The following LARP4B variants were observed in gnomAD, a reference collection of about 807,000 sequenced individuals.
LARP4B encodes the protein la-related protein 4B.
A neutral mutation model predicts 89.8 loss-of-function variants in LARP4B; 12 were observed. That is an observed-to-expected ratio of 0.13 (90% CI 0.09 to 0.22). The LOEUF is 0.22. Among genes scored for constraint, LARP4B ranks in the 10% least tolerant of loss-of-function variants. The probability of loss-of-function intolerance (pLI) is 1.00; values close to 1 mark genes in which losing one functional copy is unlikely to be tolerated. For synonymous variants in LARP4B, 367 were observed against 363.3 expected, an observed-to-expected ratio of 1.01 and a Z score of -0.12; for missense variants, 757 against 947.7, an observed-to-expected ratio of 0.80 and a Z score of 2.64.
chr10:932,001 G>A (rs1460378874), upstream of LARP4B, among the ~76,000 whole-genome samples: 1 of 65,474 alleles, frequency 1.5e-5, no homozygotes, highest in Non-Finnish European at 3.1e-5. Context: ...CCCGCCCGCC[G>A]TCCCCGGCGC....
In LARP4B at chr10:892,806, T is replaced by C. The variant is rs959374780; in HGVS notation, c.-39-7046A>G. Among the ~76,000 whole-genome samples the C allele has an allele frequency of 7.2e-5, 11 of 152,150 alleles. 1 individual carries two copies. Among genetic ancestry groups the C allele is most frequent in the Admixed American group, 3.9e-4 (6 of 15,270 alleles). ...CACCCACCTCGGCCTCCCAAAGTGC[T>C]GGGATTACAGGCGTGAGCCACCGCG... On this transcript the variant is annotated intron_variant, in intron 1 of 17. Transcript: ENST00000316157.
chr10:919,555 G>A (rs1338855686), intron 1 of LARP4B, among the ~76,000 whole-genome samples: 1 of 151,532 alleles, frequency 6.6e-6, no homozygotes, highest in East Asian at 1.9e-4. Flanking sequence ...CATTGTTGAG[G>A]GTGGGAGTTG....
At chr10:878,328 G>A (rs1204390913) in intron 3 of LARP4B, among the ~76,000 whole-genome samples, 3 of 152,180 alleles carry the variant, frequency 2.0e-5, no homozygotes, top group Non-Finnish European at 4.4e-5. Flanking sequence ...ACACCAGTGA[G>A]GAGTGACTGC....
At chr10:904,973 C>G (rs1836449232) in intron 1 of LARP4B, among the ~76,000 whole-genome samples, 1 of 152,184 alleles carries the variant, frequency 6.6e-6, no homozygotes, top group Non-Finnish European at 1.5e-5. Context: ...TCATTTCACG[C>G]TAAATTTATT....
Position 817,707 on chromosome 10 carries a change from A to G in LARP4B, c.1695+18T>C, listed in dbSNP as rs767685121. The G allele has an allele frequency of 3.7e-6, 6 of 1,606,956 alleles. No individual in the cohort carries two copies. The highest frequency in any genetic ancestry group is 4.5e-5 in the East Asian group (2 of 44,698). On this transcript the variant is annotated intron_variant, in intron 15 of 17. Coordinates refer to ENST00000316157, the MANE Select transcript of LARP4B (RefSeq NM_015155.3). The stretch of plus-strand genomic sequence containing the variant: ...TAGACACTGTTGGCAACTATTAGAC[A>G]TGCAATATATCCCTTACCCTTTCTT...
At chr10:955,590 G>A in the LARP4B span, among the ~76,000 whole-genome samples, 3 of 152,008 alleles carry the variant, frequency 2.0e-5, no homozygotes, top group Non-Finnish European at 2.9e-5. This position sits in a 1 kb window ranked among gnomAD's most constrained non-coding sequence, Gnocchi z 5.2. Flanking sequence ...ACCCTCCACG[G>A]CCCCTCCACA....
intron 5 of LARP4B, among the ~76,000 whole-genome samples, chr10:862,279 A>AAAAAAAAC (rs749904539): frequency 2.1e-5 from 3 of 140,490 alleles, no homozygotes; most frequent in African/African-American, 5.3e-5. Context: ...AAAAAAAAAA[A>AAAAAAAAC]AACAACCGTC....
the LARP4B span, among the ~76,000 whole-genome samples, chr10:946,689 T>G: frequency 6.6e-6 from 1 of 152,326 alleles, no homozygotes; most frequent in East Asian, 1.9e-4. Context: ...TTGAATGAAA[T>G]ACTGAACTAG....
chr10:909,278 A>C (rs952911196), intron 1 of LARP4B, among the ~76,000 whole-genome samples: 3 of 135,752 alleles, frequency 2.2e-5, no homozygotes, highest in African/African-American at 8.4e-5. Context: ...TGGGCGACAG[A>C]GCACGACTCC....
At chr10:861,167 A>G (rs1480016864) in intron 5 of LARP4B, among the ~76,000 whole-genome samples, 1 of 152,090 alleles carries the variant, frequency 6.6e-6, no homozygotes, top group East Asian at 1.9e-4. Context: ...AAAAGAAAAA[A>G]ACAGACCACC....
chr10:928,058 C>CA (rs373724119), intron 1 of LARP4B, among the ~76,000 whole-genome samples: 34,830 of 138,656 alleles, frequency 0.25, 4,690 homozygotes, highest in South Asian at 0.44. Flanking sequence ...ACTAAAAATA[C>CA]AAAAAAAAAA....
chr10:865,922 A>C (rs1215866334), intron 3 of LARP4B, among the ~76,000 whole-genome samples: 1 of 152,218 alleles, frequency 6.6e-6, no homozygotes, highest in African/African-American at 2.4e-5. Context: ...CAGCATAGAC[A>C]CACCAGTTTC....
At chr10:918,023 A>C (rs761336927) in intron 1 of LARP4B, among the ~76,000 whole-genome samples, 6 of 152,222 alleles carry the variant, frequency 3.9e-5, no homozygotes, top group Non-Finnish European at 7.3e-5. Context: ...GTTTTCCTAC[A>C]ATTTGGATTG....
the LARP4B span, among the ~76,000 whole-genome samples, chr10:945,613 G>A: frequency 2.7e-4 from 41 of 151,636 alleles, no homozygotes; most frequent in Middle Eastern, 3.4e-3. Flanking sequence ...GGGTGAACCC[G>A]GGAGGCGGAG....
At chr10:880,494 T>A (rs1835625498) in intron 3 of LARP4B, among the ~76,000 whole-genome samples, 2 of 152,090 alleles carry the variant, frequency 1.3e-5, no homozygotes, top group African/African-American at 4.8e-5. Flanking sequence ...GAGACCAGCT[T>A]GGGCAACATG....
intron 1 of LARP4B, among the ~76,000 whole-genome samples, chr10:892,270 C>T (rs539361604): frequency 2.6e-5 from 4 of 152,338 alleles, no homozygotes; most frequent in Admixed American, 2.6e-4. Context: ...TCTGTGGCCT[C>T]TATGCTAGTA....
chr10:901,257 C>T (rs531949639), intron 1 of LARP4B, among the ~76,000 whole-genome samples: 2 of 152,300 alleles, frequency 1.3e-5, no homozygotes, highest in East Asian at 1.9e-4. Flanking sequence ...ATGATTCCCA[C>T]GTGCATATCT....
chr10:872,790 C>T (rs1477116203), intron 3 of LARP4B, among the ~76,000 whole-genome samples: 1 of 152,178 alleles, frequency 6.6e-6, no homozygotes, highest in Non-Finnish European at 1.5e-5. Context: ...CAGACCCCCT[C>T]AGAATTCTGC....
chr10:833,286 C>CAAAAAAAAAAAAAAAAAA (rs1833021950), intron 8 of LARP4B, among the ~76,000 whole-genome samples: 1 of 57,356 alleles, frequency 1.7e-5, no homozygotes, highest in Non-Finnish European at 3.7e-5. Context: ...AAAAAAAAAC[C>CAAAAAAAAAAAAAAAAAA]TCAAAATGTT....
Sources: allele counts gnomAD v4.1 joint callset (sites outside exome capture counted in the v4.1 genomes callset), GRCh38; gene constraint gnomAD v4.1.1; non-coding constraint Gnocchi (gnomAD v3.1); transcripts MANE v1.5; gene names NCBI Gene and HGNC (gene_info 2026-07-23, HGNC 2026-07-21).